The following PTPRG variants were observed in gnomAD, a reference collection of about 807,000 sequenced individuals.
PTPRG encodes the protein receptor-type tyrosine-protein phosphatase gamma.
In PTPRG, 102 loss-of-function variants were observed where a neutral mutation model predicts 165.3. The ratio of observed to expected loss-of-function variants is 0.62; its 90% CI spans 0.53 to 0.73. The LOEUF is 0.73. Ranked by LOEUF, PTPRG falls within the 30% of genes least tolerant of loss-of-function variation. The pLI is 0.00. For missense variants in PTPRG, 1,866 were observed against 1,861.4 expected, an observed-to-expected ratio of 1.00 and a Z score of -0.05; for synonymous variants, 675 against 669.5, an observed-to-expected ratio of 1.01 and a Z score of -0.13.
chr3:62,196,144 C>A (rs985909307), intron 10 of PTPRG, among the ~76,000 whole-genome samples: 2 of 152,078 alleles, frequency 1.3e-5, no homozygotes, highest in East Asian at 3.9e-4. Context: ...CACCTGTTAT[C>A]CCAGCACTTT....
intron 1 of PTPRG, among the ~76,000 whole-genome samples, chr3:61,676,471 A>AAAAAAAAAAAAAAAAAAAAAAGAAAG (rs369505317): frequency 4.0e-5 from 4 of 99,100 alleles, no homozygotes; most frequent in Admixed American, 1.3e-4. Context: ...AAAAAAAAAA[A>AAAAAAAAAAAAAAAAAAAAAAGAAAG]AAAGAAAATT....
chr3:61,933,320 T>A (rs2039406643), intron 2 of PTPRG, among the ~76,000 whole-genome samples: 1 of 152,150 alleles, frequency 6.6e-6, no homozygotes, highest in Non-Finnish European at 1.5e-5. Flanking sequence ...GGCAGAGATC[T>A]TTTTTATTCT....
chr3:62,076,673 C>G (rs1701399064), intron 4 of PTPRG, among the ~76,000 whole-genome samples: 1 of 151,950 alleles, frequency 6.6e-6, no homozygotes, highest in Non-Finnish European at 1.5e-5. Flanking sequence ...CATCCGCCTC[C>G]CAGGTTCAAG....
At chr3:62,038,478 G>T (rs574221793) in intron 4 of PTPRG, among the ~76,000 whole-genome samples, 1 of 151,996 alleles carries the variant, frequency 6.6e-6, no homozygotes, top group South Asian at 2.1e-4. Context: ...GCTCACTGCC[G>T]CCTCAACCTC....
intron 1 of PTPRG, among the ~76,000 whole-genome samples, chr3:61,571,706 T>C (rs1700060719): frequency 6.6e-6 from 1 of 152,210 alleles, no homozygotes; most frequent in Non-Finnish European, 1.5e-5. Flanking sequence ...AACTTTTGTT[T>C]GGGGCTTTGA....
chr3:61,928,674 T>A (rs2039285460), intron 2 of PTPRG, among the ~76,000 whole-genome samples: 1 of 152,176 alleles, frequency 6.6e-6, no homozygotes, highest in Admixed American at 6.5e-5. Context: ...CTGGTTTGAT[T>A]TTTTTTTCAT....
In PTPRG at chr3:62,206,233, A is replaced by G. The variant is rs1215665266; in HGVS notation, c.2155+2283A>G. Among the ~76,000 whole-genome samples, 5 of 152,162 alleles carry G rather than the reference A, an allele frequency of 3.3e-5. No homozygotes were observed. The East Asian group carries it at 9.6e-4, about 29-fold the overall frequency. On this transcript the variant is annotated intron_variant, in intron 12 of 29. Coordinates refer to ENST00000474889, the MANE Select transcript of PTPRG (RefSeq NM_002841.4). ...TGGAGTCAGGTTCCAGATTCCAGAGACAGGGGAGAAGAAATGGATGGCAAA... is the reference window on the plus strand; with the variant it reads ...TGGAGTCAGGTTCCAGATTCCAGAGGCAGGGGAGAAGAAATGGATGGCAAA...
chr3:61,898,890 C>T (rs886786086), intron 2 of PTPRG, among the ~76,000 whole-genome samples: 1 of 152,128 alleles, frequency 6.6e-6, no homozygotes, highest in African/African-American at 2.4e-5. Context: ...ACAACTTGCT[C>T]AATCCCTTGT....
intron 1 of PTPRG, among the ~76,000 whole-genome samples, chr3:61,676,403 G>A (rs1353885972): frequency 4.0e-5 from 5 of 124,746 alleles, no homozygotes; most frequent in Non-Finnish European, 7.9e-5. Flanking sequence ...CTTGCAGTGA[G>A]CTGAGATTGC....
chr3:62,018,049 G>A lies in PTPRG; in HGVS notation c.519+14552G>A, dbSNP rs547169146. On this transcript the variant is annotated intron_variant, in intron 4 of 29. Transcript: ENST00000474889. ...TGAAGTTGCCAGATTCCTTTCCTTGGTCCAGTCCTCATACCATCTCAGAAC... is the reference window on the plus strand; with the variant it reads ...TGAAGTTGCCAGATTCCTTTCCTTGATCCAGTCCTCATACCATCTCAGAAC... Among the ~76,000 whole-genome samples the A allele has an allele frequency of 1.0e-3, 152 of 152,224 alleles. 1 individual carries two copies. Among genetic ancestry groups the A allele is most frequent in the African/African-American group, 3.5e-3 (145 of 41,544 alleles).
chr3:62,160,788 G>T (rs1018410827), intron 7 of PTPRG, among the ~76,000 whole-genome samples: 3 of 151,306 alleles, frequency 2.0e-5, no homozygotes, highest in Non-Finnish European at 2.9e-5. Context: ...TTTTACTTAA[G>T]TGCTTGTAGG....
At chr3:61,671,392 C>T (rs977237744) in intron 1 of PTPRG, among the ~76,000 whole-genome samples, 10 of 151,908 alleles carry the variant, frequency 6.6e-5, no homozygotes, top group African/African-American at 2.4e-4. Flanking sequence ...ACATCTTGCA[C>T]CGCCCTTAAT....
At chr3:61,641,664 T>C (rs1161487851) in intron 1 of PTPRG, among the ~76,000 whole-genome samples, 1 of 152,192 alleles carries the variant, frequency 6.6e-6, no homozygotes, top group Non-Finnish European at 1.5e-5. Flanking sequence ...ATTACATATA[T>C]AGAAACCTAA....
Position 62,169,237 on chromosome 3 carries a change from C to T in PTPRG, c.1033+1074C>T, listed in dbSNP as rs892756111. On this transcript the variant is annotated intron_variant, in intron 8 of 29. Transcript: ENST00000474889. ...GTGGGGCCTTTGCCCGGGAACTGCC[C>T]GCTTCTAGCCAGTATTTCCCTGTCT... Among the ~76,000 whole-genome samples, 25 of 152,048 alleles carry T rather than the reference C, an allele frequency of 1.6e-4. No individual in the cohort carries two copies. The East Asian group carries it at 2.3e-3, about 14-fold the overall frequency.
At chr3:61,651,531 T>C (rs112811948) in intron 1 of PTPRG, among the ~76,000 whole-genome samples, 67 of 152,244 alleles carry the variant, frequency 4.4e-4, no homozygotes, top group African/African-American at 1.5e-3. Flanking sequence ...CTTTAGAAGA[T>C]GATAATGGGT....
At chr3:61,656,639 A>G (rs1702517353) in intron 1 of PTPRG, among the ~76,000 whole-genome samples, 1 of 152,118 alleles carries the variant, frequency 6.6e-6, no homozygotes, top group African/African-American at 2.4e-5. Context: ...CATTTACCTG[A>G]TTGCATTTGA....
intron 2 of PTPRG, among the ~76,000 whole-genome samples, chr3:61,917,235 C>T (rs2038963210): frequency 6.6e-6 from 1 of 152,158 alleles, no homozygotes; most frequent in Admixed American, 6.5e-5. Flanking sequence ...AACCTCCTGC[C>T]CTGCAGTGGC....
rs558319996 is a variant in PTPRG, at chr3:62,297,294, A to G, written c.*3987A>G. 9 of 152,090 alleles carry G rather than the reference A, an allele frequency of 5.9e-5. No individual in the cohort carries two copies. The highest frequency in any genetic ancestry group is 2.2e-4 in the African/African-American group (9 of 41,512). The allele number at this position is 152,090 out of a possible 1,614,324, so 9.4% of individuals were successfully genotyped here. A position where few individuals can be genotyped will look rare whatever the true frequency, so the allele number is the denominator to read the frequency against. On this transcript the variant is annotated 3_prime_UTR_variant, in exon 30 of 30. Transcript: ENST00000474889. ...TATTGAAGTAGCAAAAACCATCTTTACATTCCAAAAGAATCCAACATGTGT... is the reference window on the plus strand; with the variant it reads ...TATTGAAGTAGCAAAAACCATCTTTGCATTCCAAAAGAATCCAACATGTGT...
intron 17 of PTPRG, among the ~76,000 whole-genome samples, chr3:62,266,249 A>G (rs1180055939): frequency 1.3e-5 from 2 of 152,078 alleles, no homozygotes; most frequent in Admixed American, 1.3e-4. Flanking sequence ...CTCTATATTA[A>G]TGCCTTTTCA....
Sources: allele counts gnomAD v4.1 joint callset (sites outside exome capture counted in the v4.1 genomes callset), GRCh38; gene constraint gnomAD v4.1.1; transcripts MANE v1.5; gene names NCBI Gene and HGNC (gene_info 2026-07-23, HGNC 2026-07-21).